The following LHCGR variants were observed in gnomAD, a reference collection of about 807,000 sequenced individuals.
The protein encoded by LHCGR is lutropin-choriogonadotropic hormone receptor.
LHCGR carries 55 observed loss-of-function variants against 60.7 expected under a neutral mutation model. That is an observed-to-expected ratio of 0.91 (90% confidence interval 0.73 to 1.13). The LOEUF (loss-of-function observed/expected upper bound fraction) is 1.13, where lower values mean the gene tolerates loss of function less well. Among genes scored for constraint, LHCGR ranks in the 50% most tolerant of loss-of-function variants. The pLI, the probability that LHCGR is intolerant of heterozygous loss-of-function variation, is 0.00. For missense variants in LHCGR, 862 were observed against 836.0 expected (o/e 1.03, Z -0.38); for synonymous variants, 337 against 316.5 (o/e 1.06, Z -0.69).
intron 10 of LHCGR, among the ~76,000 whole-genome samples, chr2:48,689,116 C>T (rs1680069007): frequency 6.6e-6 from 1 of 150,844 alleles, no homozygotes; most frequent in East Asian, 1.9e-4. Flanking sequence ...CACATATATA[C>T]ATATATACAC....
chr2:48,745,149 C>A (rs1014961908), intron 1 of LHCGR, among the ~76,000 whole-genome samples: 1 of 152,168 alleles, frequency 6.6e-6, no homozygotes, highest in Non-Finnish European at 1.5e-5. Context: ...CAATGAGATA[C>A]CATCTCACAC....
chr2:48,700,351 G>C (rs1667346885), intron 8 of LHCGR, among the ~76,000 whole-genome samples: 1 of 152,146 alleles, frequency 6.6e-6, no homozygotes, highest in Non-Finnish European at 1.5e-5. Context: ...AATGCTTTTT[G>C]AGTAAGGGTG....
At chr2:48,704,556 T>A (rs1405817433) in intron 8 of LHCGR, among the ~76,000 whole-genome samples, 2 of 152,218 alleles carry the variant, frequency 1.3e-5, no homozygotes, top group Admixed American at 1.3e-4. Context: ...AACTATTGCC[T>A]CAATTTCAGG....
chr2:48,741,787 G>T (rs4581945), intron 1 of LHCGR, among the ~76,000 whole-genome samples: 22,681 of 149,216 alleles, frequency 0.15, 1,882 homozygotes, highest in East Asian at 0.31. Context: ...CATCAACTGA[G>T]GAGCAAAATA....
intron 2 of LHCGR, 103 bp downstream of exon 2, chr2:48,731,124 A>G: frequency 2.6e-6 from 2 of 767,154 alleles, no homozygotes; most frequent in South Asian, 3.0e-5. Context: ...CCTAAACACA[A>G]TTTCTTTCCT....
intron 8 of LHCGR, among the ~76,000 whole-genome samples, chr2:48,705,310 T>G (rs542185693): frequency 9.8e-5 from 15 of 152,294 alleles, no homozygotes; most frequent in African/African-American, 3.6e-4. Context: ...TTATTTCCAA[T>G]TATGTGGTCA....
chr2:48,751,250 G>A (rs1669941401), intron 1 of LHCGR, among the ~76,000 whole-genome samples: 1 of 134,000 alleles, frequency 7.5e-6, no homozygotes, highest in Non-Finnish European at 1.6e-5. Flanking sequence ...ACTACATATT[G>A]GGATTTTTTT....
chr2:48,732,945 C>T (rs375468988), intron 1 of LHCGR: 7 of 534,248 alleles, frequency 1.3e-5, no homozygotes, highest in Admixed American at 1.9e-5. Context: ...ACAAAGGATC[C>T]GAGAAGAACA....
chr2:48,697,453 A>G (rs1667172905), intron 9 of LHCGR, among the ~76,000 whole-genome samples: 1 of 152,224 alleles, frequency 6.6e-6, no homozygotes, highest in African/African-American at 2.4e-5. Flanking sequence ...GCTTTCACAC[A>G]GTATTTGAAA....
chr2:48,713,994 C>T lies in LHCGR; in HGVS notation c.597G>A (p.Leu199=). The part of the protein sequence containing the change: ...VQSHAFNGTT[L]TSLELKENVH... ...AATAAGCAAATACTTACAGTGAAGTCAGTGTCGTCCCATTGAATGCATGAC... is the reference window on the plus strand; with the variant it reads ...AATAAGCAAATACTTACAGTGAAGTTAGTGTCGTCCCATTGAATGCATGAC... Residue 199 remains leucine, a synonymous_variant, in exon 7 of 11, where the codon CTG becomes CTA. Coordinates refer to ENST00000294954, the MANE Select transcript of LHCGR (RefSeq NM_000233.4). The T allele has an allele frequency of 6.2e-7, 1 of 1,606,740 alleles. No homozygotes were observed. The highest frequency in any genetic ancestry group is 8.5e-7 in the Non-Finnish European group (1 of 1,173,316).
At chr2:48,709,854 CGAG>C (rs1347695607) in intron 7 of LHCGR, among the ~76,000 whole-genome samples, 2 of 152,114 alleles carry the variant, frequency 1.3e-5, no homozygotes, top group Non-Finnish European at 2.9e-5. Flanking sequence ...TTTGAGTAGT[CGAG>C]GGAGCTAGAA....
intron 10 of LHCGR, among the ~76,000 whole-genome samples, chr2:48,693,955 A>C (rs1666988361): frequency 6.6e-6 from 1 of 152,242 alleles, no homozygotes; most frequent in Admixed American, 6.5e-5. Context: ...ACATACCTGC[A>C]AAATTTTAAT....
intron 2 of LHCGR, 51 bp from the exon 3 acceptor site, chr2:48,729,278 C>A (rs6759468): frequency 2.2e-6 from 3 of 1,371,070 alleles, no homozygotes; most frequent in African/African-American, 1.4e-5. Context: ...AAGAAATGAC[C>A]GTGTCTGCAT....
intron 6 of LHCGR, among the ~76,000 whole-genome samples, chr2:48,722,102 A>G (rs1042648660): frequency 3.3e-5 from 5 of 152,198 alleles, no homozygotes; most frequent in Admixed American, 3.3e-4. Context: ...GTGAGCCAAG[A>G]TTGCGCCACT....
chr2:48,750,011 G>A (rs1313149977), intron 1 of LHCGR, among the ~76,000 whole-genome samples: 1 of 152,224 alleles, frequency 6.6e-6, no homozygotes, highest in African/African-American at 2.4e-5. Flanking sequence ...GGCTGGGAGA[G>A]CTGAGTCAGA....
At chr2:48,725,824 C>G in intron 3 of LHCGR, 74 bp from the exon 4 acceptor site, 1 of 1,244,628 alleles carries the variant, frequency 8.0e-7, no homozygotes, top group East Asian at 2.3e-5. Flanking sequence ...AGATCATGGT[C>G]ACCAGAAGTT....
chr2:48,702,508 C>T (rs751487642), intron 8 of LHCGR, among the ~76,000 whole-genome samples: 6 of 151,986 alleles, frequency 3.9e-5, no homozygotes, highest in Non-Finnish European at 8.8e-5. Flanking sequence ...TGAGAACATG[C>T]GGTGTTTAGT....
intron 6 of LHCGR, among the ~76,000 whole-genome samples, chr2:48,719,273 C>T (rs1380733038): frequency 6.6e-6 from 1 of 152,114 alleles, no homozygotes; most frequent in Non-Finnish European, 1.5e-5. Context: ...GTGGGATGAC[C>T]TGACTAAGGC....
chr2:48,731,434 G>A (rs371045115), intron 1 of LHCGR, 136 bp from the exon 2 acceptor site: 5 of 660,866 alleles, frequency 7.6e-6, no homozygotes, highest in South Asian at 3.3e-5. Context: ...TTCAGGCTGA[G>A]GATTCTAACT....
Sources: gnomAD v4.1 joint callset for allele counts (sites outside exome capture counted in the v4.1 genomes callset) on GRCh38, gnomAD v4.1.1 for gene constraint, MANE v1.5 for transcripts, NCBI Gene and HGNC (gene_info 2026-07-23, HGNC 2026-07-21) for gene names.